SYT1: variants seen among roughly 807,000 people sequenced by gnomAD.
SYT1 encodes the protein synaptotagmin 1.
SYT1 carries 8 observed loss-of-function variants against 44.8 expected under a neutral mutation model. The ratio of observed to expected loss-of-function variants is 0.18; its 90% confidence interval spans 0.10 to 0.32. The LOEUF is 0.32. Ranked by LOEUF, SYT1 falls within the 10% of genes least tolerant of loss-of-function variation. The pLI is 1.00. For missense variants in SYT1, 286 were observed against 509.3 expected (o/e 0.56, Z 4.22); for synonymous variants, 154 against 188.8 (o/e 0.82, Z 1.51).
intron 3 of SYT1, among the ~76,000 whole-genome samples, chr12:79,146,257 C>G (rs1869906258): frequency 6.6e-6 from 1 of 152,166 alleles, no homozygotes; most frequent in African/African-American, 2.4e-5. Flanking sequence ...CACACTACTC[C>G]GTCCTCACAC....
intron 3 of SYT1, among the ~76,000 whole-genome samples, chr12:79,115,259 G>A (rs1189353576): frequency 6.6e-6 from 1 of 152,108 alleles, no homozygotes; most frequent in East Asian, 1.9e-4. Context: ...GGACTGAGTT[G>A]CACATAATTC....
chr12:79,320,249 A>T (rs1565907141), intron 8 of SYT1, among the ~76,000 whole-genome samples: 1 of 152,184 alleles, frequency 6.6e-6, no homozygotes. Flanking sequence ...TCCATCCCAA[A>T]ACCCTGCTTC....
In SYT1 at chr12:78,905,787, A is replaced by T. The variant is rs193282448; in HGVS notation, c.-217+40678A>T. Among the ~76,000 whole-genome samples the T allele has an allele frequency of 3.5e-3, 535 of 151,840 alleles. 3 individuals carry two copies. Among genetic ancestry groups the T allele is most frequent in the African/African-American group, 0.012 (511 of 41,296 alleles). ...TTTTTGACCTTTTTAATTTTTTTTT[A>T]AATTACAGCACATTACAAGGCTATT... On this transcript the variant is annotated intron_variant, in intron 1 of 10. Coordinates refer to ENST00000261205, the MANE Select transcript of SYT1 (RefSeq NM_005639.3).
chr12:78,899,459 GAT>G (rs1175022559), intron 1 of SYT1, among the ~76,000 whole-genome samples: 14 of 151,952 alleles, frequency 9.2e-5, no homozygotes, highest in Non-Finnish European at 2.1e-4. Context: ...TATTTAAAAA[GAT>G]GTGCATAATT....
At chr12:79,357,440 C>T (rs2136016304) in intron 9 of SYT1, among the ~76,000 whole-genome samples, 1 of 152,250 alleles carries the variant, frequency 6.6e-6, no homozygotes, top group South Asian at 2.1e-4. Flanking sequence ...AAACACAAAC[C>T]TAGATGGTGC....
chr12:79,206,576 A>G (rs896669071), intron 3 of SYT1, among the ~76,000 whole-genome samples: 4 of 152,234 alleles, frequency 2.6e-5, no homozygotes, highest in African/African-American at 9.6e-5. Flanking sequence ...TGTTTAATCC[A>G]TCACTCAACC....
chr12:79,340,759 T>C (rs1882331585), intron 8 of SYT1, among the ~76,000 whole-genome samples: 1 of 152,156 alleles, frequency 6.6e-6, no homozygotes, highest in Admixed American at 6.6e-5. Context: ...CATATTGTTT[T>C]AAAGGACCCA....
intron 1 of SYT1, among the ~76,000 whole-genome samples, chr12:78,908,780 C>A (rs1224587775): frequency 6.6e-6 from 1 of 151,804 alleles, no homozygotes; most frequent in African/African-American, 2.4e-5. Context: ...ACTATTTTGG[C>A]CCTTAGTAAA....
chr12:79,204,639 A>G (rs1052258735), intron 3 of SYT1, among the ~76,000 whole-genome samples: 19 of 152,232 alleles, frequency 1.2e-4, no homozygotes, highest in African/African-American at 4.3e-4. Context: ...AATATTCTAT[A>G]CAATGAGTAC....
intron 2 of SYT1, among the ~76,000 whole-genome samples, chr12:79,034,991 A>G (rs997255467): frequency 2.6e-5 from 4 of 151,570 alleles, no homozygotes; most frequent in African/African-American, 4.8e-5. Flanking sequence ...GAAACCAAAG[A>G]CCACTTCCTC....
intron 2 of SYT1, chr12:79,045,585 C>T (rs945218189): frequency 5.2e-5 from 8 of 154,568 alleles, no homozygotes; most frequent in African/African-American, 1.4e-4. Context: ...CTGTCTTCTG[C>T]GTCACTCACG....
intron 3 of SYT1, among the ~76,000 whole-genome samples, chr12:79,216,497 C>T (rs865916393): frequency 2.0e-5 from 3 of 152,088 alleles, no homozygotes; most frequent in Middle Eastern, 3.2e-3. Context: ...GAATACCTTC[C>T]TTACATTTGT....
chr12:78,918,434 CTGAT>C (rs940551548), intron 1 of SYT1, among the ~76,000 whole-genome samples: 1 of 152,046 alleles, frequency 6.6e-6, no homozygotes, highest in African/African-American at 2.4e-5. Context: ...GCAGAGTTGA[CTGAT>C]TGAGGGAATT....
At chr12:78,943,931 G>C (rs1003311944) in intron 1 of SYT1, among the ~76,000 whole-genome samples, 6 of 152,168 alleles carry the variant, frequency 3.9e-5, no homozygotes, top group Admixed American at 3.9e-4. Context: ...TAAGTCAGAA[G>C]TTACAACTTC....
intron 2 of SYT1, among the ~76,000 whole-genome samples, chr12:79,040,233 C>T (rs1873452570): frequency 6.6e-6 from 1 of 150,710 alleles, no homozygotes; most frequent in African/African-American, 2.4e-5. Flanking sequence ...GTTTACAGTC[C>T]CACCAACAGT....
At chr12:78,997,028 G>A (rs1870424650) in intron 2 of SYT1, among the ~76,000 whole-genome samples, 1 of 152,204 alleles carries the variant, frequency 6.6e-6, no homozygotes, top group Non-Finnish European at 1.5e-5. Context: ...GGGATCAAAA[G>A]CAAATACAGG....
chr12:79,398,505 C>T (rs1259037784), intron 9 of SYT1, among the ~76,000 whole-genome samples: 5 of 152,112 alleles, frequency 3.3e-5, no homozygotes, highest in Non-Finnish European at 7.4e-5. Flanking sequence ...AATAGGAAGT[C>T]AGTAAATAGG....
At chr12:79,346,148 C>T (rs541142617) in intron 8 of SYT1, among the ~76,000 whole-genome samples, 1 of 152,206 alleles carries the variant, frequency 6.6e-6, no homozygotes, top group South Asian at 2.1e-4. Flanking sequence ...CCACATAAAA[C>T]GATGTATGGG....
At chr12:79,036,887 G>A (rs1275795976) in intron 2 of SYT1, among the ~76,000 whole-genome samples, 1 of 151,724 alleles carries the variant, frequency 6.6e-6, no homozygotes, top group Non-Finnish European at 1.5e-5. Context: ...AAGTCACCTT[G>A]GAGAATCAAC....
Sources: gnomAD v4.1 joint callset for allele counts (sites outside exome capture counted in the v4.1 genomes callset) on GRCh38, gnomAD v4.1.1 for gene constraint, MANE v1.5 for transcripts, NCBI Gene and HGNC (gene_info 2026-07-23, HGNC 2026-07-21) for gene names.